FHIT: variants seen among roughly 807,000 people sequenced by gnomAD.
FHIT encodes the protein bis(5'-adenosyl)-triphosphatase.
A neutral mutation model predicts 17.9 loss-of-function variants in FHIT; 19 were observed. The observed-to-expected ratio is 1.06, with a 90% CI of 0.74 to 1.56. FHIT has a LOEUF of 1.56. Ranked by LOEUF, FHIT falls within the 40% of genes most tolerant of loss-of-function variation. The pLI is 0.00. For synonymous variants in FHIT, 81 were observed against 69.7 expected (o/e 1.16, Z -0.81); for missense variants, 248 against 189.2 (o/e 1.31, Z -1.82).
intron 8 of FHIT, among the ~76,000 whole-genome samples, chr3:59,911,822 T>C (rs294460): frequency 0.9 from 137,462 of 152,206 alleles, 62,884 homozygotes; most frequent in Non-Finnish European, 0.98. Context: ...GAACCAGGCT[T>C]TGAATGCAGG....
chr3:60,359,444 C>T (rs1699811237), intron 5 of FHIT, among the ~76,000 whole-genome samples: 1 of 151,870 alleles, frequency 6.6e-6, no homozygotes, highest in Non-Finnish European at 1.5e-5. Context: ...CCATGTCCAG[C>T]TAATTTTTGT....
intron 4 of FHIT, among the ~76,000 whole-genome samples, chr3:60,667,370 A>C (rs1683614856): frequency 6.6e-6 from 1 of 151,934 alleles, no homozygotes; most frequent in Admixed American, 6.5e-5. Context: ...ACCCTCTCTT[A>C]TCTCTAATTA....
intron 5 of FHIT, among the ~76,000 whole-genome samples, chr3:60,303,186 G>C (rs577882026): frequency 1.8e-4 from 28 of 152,156 alleles, no homozygotes; most frequent in Non-Finnish European, 3.7e-4. Context: ...GCAAGCCTGT[G>C]ACAGAGGCTA....
chr3:59,968,578 T>C (rs1026544120), intron 7 of FHIT, among the ~76,000 whole-genome samples: 1 of 152,126 alleles, frequency 6.6e-6, no homozygotes, highest in Admixed American at 6.6e-5. Flanking sequence ...GTTCTCACAA[T>C]GCCTCTAGTG....
intron 2 of FHIT, among the ~76,000 whole-genome samples, chr3:61,072,280 C>T (rs777941090): frequency 1.1e-4 from 17 of 152,132 alleles, no homozygotes; most frequent in Admixed American, 3.3e-4. Context: ...AACCTATACC[C>T]AGGGACAAGA....
At chr3:60,201,894 G>A (rs1033806415) in intron 5 of FHIT, among the ~76,000 whole-genome samples, 1 of 151,564 alleles carries the variant, frequency 6.6e-6, no homozygotes, top group South Asian at 2.1e-4. Flanking sequence ...ATTGAATTTT[G>A]TTACATTAGC....
chr3:61,115,025 G>A lies in FHIT; in HGVS notation c.-163-72926C>T, dbSNP rs548135120. 8.7e-4 allele frequency among the ~76,000 whole-genome samples: 132 copies of A among 152,234 alleles called. 1 individual carries two copies. In the South Asian group the frequency reaches 0.026, roughly 30 times the overall value. ...AAATTCAGTCCAGTAGACTAGTGGA[G>A]GATATGCTAATATTTTACTTCCCTT... On this transcript the variant is annotated intron_variant, in intron 2 of 9. Coordinates refer to ENST00000492590, the MANE Select transcript of FHIT (RefSeq NM_002012.4).
At chr3:60,423,074 C>T (rs1183562488) in intron 5 of FHIT, among the ~76,000 whole-genome samples, 1 of 152,164 alleles carries the variant, frequency 6.6e-6, no homozygotes, top group African/African-American at 2.4e-5. Context: ...TTCCCCTAGA[C>T]ATACCCAACG....
At chr3:60,371,783 A>G (rs1393023588) in intron 5 of FHIT, among the ~76,000 whole-genome samples, 1 of 151,968 alleles carries the variant, frequency 6.6e-6, no homozygotes, top group Non-Finnish European at 1.5e-5. Flanking sequence ...GGAAGTAAAG[A>G]GAGAGAGCAA....
chr3:60,513,194 G>C (rs1382753699), intron 5 of FHIT, among the ~76,000 whole-genome samples: 6 of 152,178 alleles, frequency 3.9e-5, no homozygotes, highest in Admixed American at 2.6e-4. Flanking sequence ...ACACGGCACA[G>C]ATATATCAAG....
intron 3 of FHIT, among the ~76,000 whole-genome samples, chr3:60,995,572 G>A (rs2030613390): frequency 6.6e-6 from 1 of 152,096 alleles, no homozygotes; most frequent in Non-Finnish European, 1.5e-5. Context: ...TCCCCAGACC[G>A]TGACCTGGAT....
chr3:60,454,242 C>T (rs2031937716), intron 5 of FHIT, among the ~76,000 whole-genome samples: 1 of 152,130 alleles, frequency 6.6e-6, no homozygotes, highest in East Asian at 1.9e-4. Flanking sequence ...AATTCTGAAG[C>T]ATTCCTCAAG....
chr3:60,298,755 G>GA (rs572730442), intron 5 of FHIT, among the ~76,000 whole-genome samples: 90 of 152,228 alleles, frequency 5.9e-4, no homozygotes, highest in African/African-American at 2.1e-3. Flanking sequence ...TAATGTGTAT[G>GA]AAATTAGATA....
At chr3:61,032,526 C>T (rs2033057196) in intron 3 of FHIT, among the ~76,000 whole-genome samples, 1 of 152,132 alleles carries the variant, frequency 6.6e-6, no homozygotes, top group African/African-American at 2.4e-5. Context: ...ATTCTTCATC[C>T]CACCTCATTT....
At chr3:60,046,842 G>A (rs563332847) in intron 5 of FHIT, among the ~76,000 whole-genome samples, 14 of 152,258 alleles carry the variant, frequency 9.2e-5, no homozygotes, top group African/African-American at 3.1e-4. Context: ...TAGTTTACAT[G>A]GAACCTTCTG....
At chr3:59,859,192 C>A (rs907138733) in intron 8 of FHIT, among the ~76,000 whole-genome samples, 1 of 152,166 alleles carries the variant, frequency 6.6e-6, no homozygotes, top group African/African-American at 2.4e-5. Context: ...CAAGTACCAA[C>A]TGGACCAGGT....
Position 60,184,363 on chromosome 3 carries a change from A to G in FHIT, c.104-170211T>C, listed in dbSNP as rs186346136. Among the ~76,000 whole-genome samples the G allele has an allele frequency of 4.6e-5, 7 of 150,742 alleles. No individual in the cohort carries two copies. The East Asian group carries it at 1.4e-3, about 29-fold the overall frequency. On this transcript the variant is annotated intron_variant, in intron 5 of 9. Coordinates refer to ENST00000492590, the MANE Select transcript of FHIT (RefSeq NM_002012.4). ...ATTAACATAACTTATGTTGCTTAAG[A>G]CTTTTCTTAGTTGTGACAGTTTATG...
At chr3:60,546,343 T>C (rs1208821183) in intron 4 of FHIT, among the ~76,000 whole-genome samples, 2 of 152,182 alleles carry the variant, frequency 1.3e-5, no homozygotes, top group African/African-American at 4.8e-5. Flanking sequence ...GTTATTCGTG[T>C]TCTTATCCTA....
chr3:60,251,006 G>C (rs1262639987), intron 5 of FHIT, among the ~76,000 whole-genome samples: 2 of 152,198 alleles, frequency 1.3e-5, no homozygotes, highest in East Asian at 1.9e-4. Flanking sequence ...CACGTGGTTT[G>C]TAAGTAGCCC....
Sources: gnomAD v4.1 joint callset for allele counts (sites outside exome capture counted in the v4.1 genomes callset) on GRCh38, gnomAD v4.1.1 for gene constraint, MANE v1.5 for transcripts, NCBI Gene and HGNC (gene_info 2026-07-23, HGNC 2026-07-21) for gene names.